The following TRIM25 variants were observed in gnomAD, a reference collection of about 807,000 sequenced individuals.
TRIM25 encodes tripartite motif containing 25.
In TRIM25, 45 loss-of-function variants were observed where a neutral mutation model predicts 65.2. That is an observed-to-expected ratio of 0.69 (90% confidence interval 0.54 to 0.89). TRIM25 has a LOEUF of 0.89. Ranked by LOEUF, TRIM25 falls within the 40% of genes least tolerant of loss-of-function variation. TRIM25 has a pLI of 0.00. For missense variants in TRIM25, 714 were observed against 803.7 expected (o/e 0.89, Z 1.35); for synonymous variants, 321 against 340.4 (o/e 0.94, Z 0.63).
chr17:56,898,909 C>T (rs959028071), intron 5 of TRIM25: 2 of 574,892 alleles, frequency 3.5e-6, no homozygotes, highest in Admixed American at 6.2e-5. Context: ...TCTTGCTGTT[C>T]CAGGCAGCCC....
Position 56,890,080 on chromosome 17 carries a change from C to T in TRIM25, c.*1620G>A, listed in dbSNP as rs753951697. On this transcript the variant is annotated 3_prime_UTR_variant, in exon 9 of 9. Transcript: ENST00000316881. ...GAGTTCCAGCACGAGGCCTGAGATG[C>T]ATTACATTCTCAAATATCCATATGA... 3.3e-5 allele frequency: 13 copies of T among 390,468 alleles called. No homozygotes were observed. Among genetic ancestry groups the T allele is most frequent in the Admixed American group, 2.4e-4 (6 of 25,060 alleles). 24.2% of individuals were successfully genotyped at this position (390,468 alleles called of 1,614,324 possible).
intron 1 of TRIM25, among the ~76,000 whole-genome samples, chr17:56,909,411 G>T (rs547614638): frequency 1.7e-3 from 254 of 152,236 alleles, no homozygotes; most frequent in Non-Finnish European, 3.0e-3. Flanking sequence ...CCAGCCAGGC[G>T]CAGTGGCTCA....
chr17:56,890,034 G>A lies in TRIM25; in HGVS notation c.*1666C>T. 5 of 404,306 alleles carry A rather than the reference G, an allele frequency of 1.2e-5. No individual in the cohort carries two copies. The highest frequency in any genetic ancestry group is 1.1e-4 in the South Asian group (1 of 8,782). 25.0% of individuals were successfully genotyped at this position (404,306 alleles called of 1,614,324 possible). ...AGCTGTCAGGAATATCAAGTGTTCT[G>A]AGCCTGCCTAGAGTGCCCTAGAGTT... On this transcript the variant is annotated 3_prime_UTR_variant, in exon 9 of 9. Coordinates refer to ENST00000316881, the MANE Select transcript of TRIM25 (RefSeq NM_005082.5).
rs200806739 is a variant in TRIM25 at position 56,891,926 on chromosome 17, G to A, written c.1667C>T (p.Thr556Ile). 6.2e-7 allele frequency: 1 copy of A among 1,614,234 alleles called. No homozygotes were observed. Among genetic ancestry groups the A allele is most frequent in the East Asian group, 2.2e-5 (1 of 44,880 alleles). The change falls in exon 9 of 9, where the codon ACC becomes ATC. Residue 556 changes from threonine to isoleucine, a missense_variant. Thr to Ile is a moderately conservative substitution (Grantham distance 89). Transcript: ENST00000316881. ...GTTATTGTGCCAGGCAGAGATCTTG[G>A]TGTTGAACCACTCCACGCACCAGGA... ...SASWCVEWFN[T>I]KISAWHNNVE... is the part of the protein sequence containing the mutation.
intron 3 of TRIM25, among the ~76,000 whole-genome samples, chr17:56,903,158 T>C (rs184211559): frequency 6.6e-6 from 1 of 152,308 alleles, no homozygotes; most frequent in Non-Finnish European, 1.5e-5. Flanking sequence ...CTCAGCACTT[T>C]GGGAGGCCGA....
Position 56,895,937 on chromosome 17 carries a change from G to A in TRIM25, c.1169C>T (p.Ser390Phe). 3.1e-6 allele frequency: 5 copies of A among 1,612,592 alleles called. No individual in the cohort carries two copies. The highest frequency in any genetic ancestry group is 3.4e-6 in the Non-Finnish European group (4 of 1,179,550). The change falls in exon 6 of 9, where the codon TCC (serine) becomes TTC (phenylalanine). Residue 390 changes from serine to phenylalanine, a missense_variant. By Grantham distance (155) the Ser-to-Phe change is radical. This residue lies in a region of TRIM25 where 413 missense variants were observed against 498.2 expected (regional missense o/e 0.83). Transcript: ENST00000316881. ...VKKVSKEEKK[S>F]KKPPPVPALP... ...AATGCATAACTTACGAGGTTTCTTG[G>A]ATTTCTTTTCCTCTTCTGCAAAAGA...
At chr17:56,909,495 G>A (rs537709385) in intron 1 of TRIM25, among the ~76,000 whole-genome samples, 1 of 152,164 alleles carries the variant, frequency 6.6e-6, no homozygotes, top group East Asian at 1.9e-4. Context: ...GACCAGCTTG[G>A]GCAACATGGC....
At chr17:56,899,274 A>G in intron 4 of TRIM25, 94 bp from the exon 5 acceptor site, 1 of 1,279,168 alleles carries the variant, frequency 7.8e-7, no homozygotes, top group Non-Finnish European at 1.1e-6. Context: ...CAGAGGGTTT[A>G]CACAGACAGC....
intron 1 of TRIM25, among the ~76,000 whole-genome samples, chr17:56,910,741 A>T (rs1909610042): frequency 6.6e-6 from 1 of 152,198 alleles, no homozygotes; most frequent in South Asian, 2.1e-4. Context: ...CCCTTCACAG[A>T]CTAGAGACTT....
chr17:56,909,582 G>A, intron 1 of TRIM25, among the ~76,000 whole-genome samples: 1 of 151,944 alleles, frequency 6.6e-6, no homozygotes, highest in East Asian at 1.9e-4. Flanking sequence ...CTACTTAGGG[G>A]GCTGAGGCAG....
At position 56,913,479 on chromosome 17, in the gene TRIM25, C is replaced by G. The variant is rs745855170; in HGVS notation, c.510G>C (p.Glu170Asp). The change falls in exon 1 of 9, where the codon GAG (glutamate) becomes GAC (aspartate). Residue 170 changes from glutamate (E) to aspartate (D), a missense_variant. This residue lies in a region of TRIM25 where 291 missense variants were observed against 281.8 expected (regional missense o/e 1.03). Transcript: ENST00000316881. The surrounding 1 kb of genome is among the most constrained non-coding windows in gnomAD (Gnocchi z 6.1). The part of the protein sequence containing the change: ...HNRLREFFCP[E>D]HSECICHICL... ...AGATGTGGCAGATGCACTCGCTGTG[C>G]TCGGGGCAGAAAAATTCCCGCAGCC... The G allele has an allele frequency of 6.2e-7, 1 of 1,613,304 alleles. No individual in the cohort carries two copies. The highest frequency in any genetic ancestry group is 1.1e-5 in the South Asian group (1 of 91,000).
chr17:56,914,009 C>A lies in TRIM25; in HGVS notation c.-21G>T. 1 of 1,498,544 alleles carries A rather than the reference C, an allele frequency of 6.7e-7. No homozygotes were observed. Among genetic ancestry groups the A allele is most frequent in the South Asian group, 1.3e-5 (1 of 76,988 alleles). 92.8% of individuals were successfully genotyped at this position (1,498,544 alleles called of 1,614,324 possible). A position where few individuals can be genotyped will look rare whatever the true frequency, so the allele number is the denominator to read the frequency against. ...GCCATGGCGCTCCCAGGGGTCGGGA[C>A]ACAACTGCTGCACCCGCGCTCCGAG... On this transcript the variant is annotated 5_prime_UTR_variant, in exon 1 of 9. Coordinates refer to ENST00000316881, the MANE Select transcript of TRIM25 (RefSeq NM_005082.5).
In TRIM25 at chr17:56,913,485, G is replaced by A. The variant is rs747240666; in HGVS notation, c.504C>T (p.Cys168=). ...GGCAGATGCACTCGCTGTGCTCGGG[G>A]CAGAAAAATTCCCGCAGCCGATTGT... is the stretch of plus-strand genomic sequence containing the variant. ...SQHNRLREFF[C]PEHSECICHI... Residue 168 remains cysteine (C), a synonymous_variant, in exon 1 of 9, where the codon TGC becomes TGT. Coordinates refer to ENST00000316881, the MANE Select transcript of TRIM25 (RefSeq NM_005082.5). The surrounding 1 kb of genome is among the most constrained non-coding windows in gnomAD (Gnocchi z 6.1). 13 of 1,613,500 alleles carry A rather than the reference G, an allele frequency of 8.1e-6. No individual in the cohort carries two copies. The highest frequency in any genetic ancestry group is 1.1e-5 in the Non-Finnish European group (13 of 1,179,688).
rs1909165056 is a variant in TRIM25 at position 56,891,357 on chromosome 17, A to T, written c.*343T>A. On this transcript the variant is annotated 3_prime_UTR_variant, in exon 9 of 9. Coordinates refer to ENST00000316881, the MANE Select transcript of TRIM25 (RefSeq NM_005082.5). ...ATCCAAGTGGCCCAAGACAGAACCT[A>T]CAGTAGCTATGGATTTTCTCTAAGA... The T allele has an allele frequency of 1.8e-5, 6 of 337,248 alleles. No homozygotes were observed. Among genetic ancestry groups the T allele is most frequent in the Non-Finnish European group, 3.4e-5 (6 of 177,640 alleles). 20.9% of individuals were successfully genotyped at this position (337,248 alleles called of 1,614,324 possible).
At position 56,891,942 on chromosome 17, in the gene TRIM25, C is replaced by A. The variant is rs1381845928; in HGVS notation, c.1651G>T (p.Val551Leu). Residue 551 changes from valine to leucine, a missense_variant, in exon 9 of 9, where the codon GTG becomes TTG. Coordinates refer to ENST00000316881, the MANE Select transcript of TRIM25 (RefSeq NM_005082.5). ...RLGRNSASWC[V>L]EWFNTKISAW... ...GAGATCTTGGTGTTGAACCACTCCA[C>A]GCACCAGGAGGCGCTGTTGCGGCCG... 1.9e-6 allele frequency: 3 copies of A among 1,614,228 alleles called. No homozygotes were observed. The highest frequency in any genetic ancestry group is 2.5e-6 in the Non-Finnish European group (3 of 1,180,034).
At position 56,913,351 on chromosome 17, in the gene TRIM25, C is replaced by T. The variant is rs1243002348; in HGVS notation, c.597+41G>A. ...CCGGTGGCCCCTCTGCACCACCCAT[C>T]AGGCCAGGCTGCCCTCTGCACCCAG... On this transcript the variant is annotated intron_variant, in intron 1 of 8. Transcript: ENST00000316881. The surrounding 1 kb of genome is among the most constrained non-coding windows in gnomAD (Gnocchi z 6.1). 1 of 1,504,258 alleles carries T rather than the reference C, an allele frequency of 6.6e-7. No individual in the cohort carries two copies. The highest frequency in any genetic ancestry group is 8.9e-7 in the Non-Finnish European group (1 of 1,124,140). 93.2% of individuals were successfully genotyped at this position (1,504,258 alleles called of 1,614,324 possible).
Position 56,913,833 on chromosome 17 carries a change from C to A in TRIM25, c.156G>T (p.Gln52His). 1 of 1,562,846 alleles carries A rather than the reference C, an allele frequency of 6.4e-7. No individual in the cohort carries two copies. Among genetic ancestry groups the A allele is most frequent in the Non-Finnish European group, 8.7e-7 (1 of 1,153,920 alleles). ...AVQGSPYLCP[Q>H]CRAVYQARPQ... ...GTCGCGCCTGGTAGACGGCGCGGCA[C>A]TGCGGGCACAGGTATGGCGAGCCCT... The change falls in exon 1 of 9, where the codon CAG becomes CAT. Residue 52 changes from glutamine to histidine, a missense_variant. Physicochemically the swap from Gln to His is conservative, Grantham distance 24. Around this residue, in one of 3 missense-constraint regions of TRIM25, gnomAD observed 291 missense variants for 281.8 expected, o/e 1.03. Transcript: ENST00000316881. The surrounding 1 kb of genome is among the most constrained non-coding windows in gnomAD (Gnocchi z 6.1).
rs766824391 is a variant in TRIM25, at chr17:56,895,961, G to C, written c.1154-9C>G. The C allele has an allele frequency of 6.2e-7, 1 of 1,611,364 alleles. No homozygotes were observed. The highest frequency in any genetic ancestry group is 2.2e-5 in the East Asian group (1 of 44,800). Reference sequence around the variant, plus strand: ...GGATTTCTTTTCCTCTTCTGCAAAAGAAAGTTTTCAGATTTAATTTCTTTT... The same window carrying C: ...GGATTTCTTTTCCTCTTCTGCAAAACAAAGTTTTCAGATTTAATTTCTTTT... On this transcript the variant is annotated splice_polypyrimidine_tract_variant and intron_variant, in intron 5 of 8. Coordinates refer to ENST00000316881, the MANE Select transcript of TRIM25 (RefSeq NM_005082.5).
chr17:56,903,974 C>T (rs1909466427), intron 3 of TRIM25, among the ~76,000 whole-genome samples: 1 of 152,190 alleles, frequency 6.6e-6, no homozygotes, highest in Admixed American at 6.5e-5. Context: ...CTGGCCATCC[C>T]TCGCAGACTG....
Sources: allele counts gnomAD v4.1 joint callset (sites outside exome capture counted in the v4.1 genomes callset), GRCh38; gene constraint gnomAD v4.1.1; regional missense constraint gnomAD v4.1.1; non-coding constraint Gnocchi (gnomAD v3.1); transcripts MANE v1.5; gene names NCBI Gene and HGNC (gene_info 2026-07-23, HGNC 2026-07-21).